The following NR3C2 variants were observed in gnomAD, a reference collection of about 807,000 sequenced individuals.
NR3C2 encodes nuclear receptor subfamily 3 group C member 2, also known as mineralocorticoid receptor.
NR3C2 carries 15 observed loss-of-function variants against 86.4 expected under a neutral mutation model. That is an observed-to-expected ratio of 0.17 (90% confidence interval 0.12 to 0.27). The LOEUF (loss-of-function observed/expected upper bound fraction) is 0.27, where lower values mean the gene tolerates loss of function less well. NR3C2 is among the 10% of genes least tolerant of loss of function. The pLI, the probability that NR3C2 is intolerant of heterozygous loss-of-function variation, is 1.00. For missense variants in NR3C2, 960 were observed against 1,195.6 expected (o/e 0.80, Z 2.91); for synonymous variants, 458 against 450.5 (o/e 1.02, Z -0.21).
chr4:148,346,190 T>C (rs538254399), intron 2 of NR3C2, among the ~76,000 whole-genome samples: 129 of 152,182 alleles, frequency 8.5e-4, no homozygotes, highest in Non-Finnish European at 1.8e-3. Context: ...CAATGGAAAC[T>C]ATGAAAATAT....
intron 6 of NR3C2, among the ~76,000 whole-genome samples, chr4:148,130,816 T>TG (rs1733000145): frequency 1.5e-5 from 1 of 68,808 alleles, no homozygotes; most frequent in Non-Finnish European, 3.4e-5. Context: ...TTTGTTTTGT[T>TG]TTGTTTTTTT....
chr4:148,297,143 A>G (rs915148318), intron 2 of NR3C2, among the ~76,000 whole-genome samples: 2 of 152,210 alleles, frequency 1.3e-5, no homozygotes, highest in Non-Finnish European at 2.9e-5. Flanking sequence ...AGACAATCAC[A>G]AAGAAAAAAA....
chr4:148,114,704 A>C (rs1203843774), intron 7 of NR3C2, among the ~76,000 whole-genome samples: 1 of 152,230 alleles, frequency 6.6e-6, no homozygotes, highest in Non-Finnish European at 1.5e-5. Flanking sequence ...GTGTTTATGA[A>C]TCCTAACTTG....
chr4:148,120,111 G>C (rs1732447239), intron 7 of NR3C2, 47 bp downstream of exon 7: 7 of 1,612,322 alleles, frequency 4.3e-6, no homozygotes, highest in Non-Finnish European at 5.9e-6. Flanking sequence ...CTATGGGGAA[G>C]ATGATCTGGT....
chr4:148,262,205 T>C (rs1241584095), intron 2 of NR3C2, among the ~76,000 whole-genome samples: 1 of 152,194 alleles, frequency 6.6e-6, no homozygotes, highest in African/African-American at 2.4e-5. Flanking sequence ...ACTATAAGCA[T>C]AAGCGGGATT....
At chr4:148,318,344 A>G (rs921595177) in intron 2 of NR3C2, among the ~76,000 whole-genome samples, 5 of 151,926 alleles carry the variant, frequency 3.3e-5, no homozygotes, top group Admixed American at 3.3e-4. Flanking sequence ...ATATGTGTCC[A>G]TGTGTCTTTA....
At chr4:148,302,733 C>G (rs1019135361) in intron 2 of NR3C2, among the ~76,000 whole-genome samples, 1 of 151,108 alleles carries the variant, frequency 6.6e-6, no homozygotes, top group Non-Finnish European at 1.5e-5. Flanking sequence ...ACTCTCCTAG[C>G]TACTTGGGAG....
chr4:148,185,243 G>C (rs1350740924), intron 4 of NR3C2, among the ~76,000 whole-genome samples: 1 of 152,258 alleles, frequency 6.6e-6, no homozygotes, highest in Non-Finnish European at 1.5e-5. Flanking sequence ...TACAAGGTCA[G>C]TGAGTGACAG....
intron 2 of NR3C2, among the ~76,000 whole-genome samples, chr4:148,405,062 A>C (rs1396940749): frequency 7.2e-6 from 1 of 139,604 alleles, no homozygotes; most frequent in African/African-American, 2.5e-5. Context: ...TTCTAGAAAG[A>C]TTTTGGTGTT....
intron 2 of NR3C2, among the ~76,000 whole-genome samples, chr4:148,278,525 C>T (rs1440223647): frequency 1.3e-5 from 2 of 152,110 alleles, no homozygotes; most frequent in African/African-American, 4.8e-5. Context: ...CTCAAGAAGA[C>T]TAAATAGGAA....
At chr4:148,284,032 G>T (rs73855942) in intron 2 of NR3C2, among the ~76,000 whole-genome samples, 2 of 152,102 alleles carry the variant, frequency 1.3e-5, no homozygotes, top group Non-Finnish European at 2.9e-5. Flanking sequence ...CTTGTCCCAC[G>T]GGAGAGATAA....
chr4:148,145,675 G>A (rs929668813), intron 6 of NR3C2, among the ~76,000 whole-genome samples: 20 of 152,308 alleles, frequency 1.3e-4, no homozygotes, highest in African/African-American at 4.8e-4. Flanking sequence ...CCACCTGCAG[G>A]GGGGTGCTGC....
At chr4:148,232,865 C>A (rs966508895) in intron 3 of NR3C2, among the ~76,000 whole-genome samples, 2 of 152,220 alleles carry the variant, frequency 1.3e-5, no homozygotes, top group Non-Finnish European at 2.9e-5. Flanking sequence ...CACTTGGAGA[C>A]AGATTCTTTT....
At chr4:148,323,149 C>G (rs1330420138) in intron 2 of NR3C2, among the ~76,000 whole-genome samples, 2 of 149,808 alleles carry the variant, frequency 1.3e-5, no homozygotes, top group Non-Finnish European at 1.5e-5. Flanking sequence ...TGTGAGGTGT[C>G]AGTGTGCCTC....
intron 3 of NR3C2, among the ~76,000 whole-genome samples, chr4:148,203,127 C>T (rs1253739470): frequency 6.6e-6 from 1 of 152,102 alleles, no homozygotes; most frequent in Admixed American, 6.6e-5. Context: ...TCTGAATGAT[C>T]TATTGCTTAA....
intron 2 of NR3C2, among the ~76,000 whole-genome samples, chr4:148,324,792 A>G (rs771194904): frequency 6.4e-4 from 98 of 152,126 alleles, no homozygotes; most frequent in Admixed American, 6.2e-3. Flanking sequence ...AATATGTACA[A>G]TTTTTATCCA....
intron 8 of NR3C2, among the ~76,000 whole-genome samples, chr4:148,109,972 T>G (rs1292447009): frequency 2.0e-5 from 3 of 152,184 alleles, no homozygotes; most frequent in Admixed American, 1.3e-4. Flanking sequence ...GAAATAAGCT[T>G]CTTTCCCTCA....
chr4:148,329,605 G>A (rs1561045928), intron 2 of NR3C2, among the ~76,000 whole-genome samples: 2 of 152,136 alleles, frequency 1.3e-5, no homozygotes, highest in Non-Finnish European at 2.9e-5. Flanking sequence ...AAGGAAAAAG[G>A]ACAACTGCCA....
chr4:148,364,681 C>G (rs185097243), intron 2 of NR3C2, among the ~76,000 whole-genome samples: 2 of 152,252 alleles, frequency 1.3e-5, no homozygotes, highest in African/African-American at 4.8e-5. Context: ...ATAATACTTT[C>G]CTATGTTGAT....
Sources: gnomAD v4.1 joint callset for allele counts (sites outside exome capture counted in the v4.1 genomes callset) on GRCh38, gnomAD v4.1.1 for gene constraint, MANE v1.5 for transcripts, NCBI Gene and HGNC (gene_info 2026-07-23, HGNC 2026-07-21) for gene names.